The following FGGY variants were observed in gnomAD, a reference collection of about 807,000 sequenced individuals.
FGGY encodes FGGY carbohydrate kinase domain-containing protein.
A neutral mutation model predicts 71.3 loss-of-function variants in FGGY; 72 were observed. The observed-to-expected ratio is 1.01, with a 90% CI of 0.84 to 1.23. The LOEUF is 1.23. Among genes scored for constraint, FGGY ranks in the 50% most tolerant of loss-of-function variants. FGGY has a pLI of 0.00. For missense variants in FGGY, 668 were observed against 682.3 expected (o/e 0.98, Z 0.23); for synonymous variants, 251 against 250.3 (o/e 1.00, Z -0.02).
intron 5 of FGGY, among the ~76,000 whole-genome samples, chr1:59,401,000 AG>A (rs1396959884): frequency 6.6e-6 from 1 of 152,282 alleles, no homozygotes; most frequent in East Asian, 1.9e-4. Context: ...AGTTCCATAA[AG>A]ATGAGAATTA....
intron 7 of FGGY, among the ~76,000 whole-genome samples, chr1:59,534,055 C>T (rs1283645160): frequency 3.3e-5 from 5 of 152,058 alleles, no homozygotes; most frequent in African/African-American, 1.2e-4. Flanking sequence ...GACATTCAAA[C>T]CAAAGGCAAA....
chr1:59,517,366 C>A (rs985726329), intron 7 of FGGY, among the ~76,000 whole-genome samples: 3 of 148,236 alleles, frequency 2.0e-5, no homozygotes, highest in Admixed American at 6.7e-5. Context: ...CCCGGGTTCA[C>A]GCCATTCTCC....
At chr1:59,301,218 TTGA>T (rs1193597842) in intron 1 of FGGY, among the ~76,000 whole-genome samples, 1 of 152,214 alleles carries the variant, frequency 6.6e-6, no homozygotes. Context: ...TTCCTATTTT[TTGA>T]TGATATTGTA....
intron 5 of FGGY, among the ~76,000 whole-genome samples, chr1:59,408,748 GGT>G (rs917363991): frequency 2.6e-5 from 4 of 152,224 alleles, no homozygotes; most frequent in African/African-American, 9.6e-5. Context: ...ACAAACGGCT[GGT>G]GTGTTTTGGG....
At chr1:59,567,572 A>C (rs1241218588) in intron 8 of FGGY, among the ~76,000 whole-genome samples, 1 of 152,110 alleles carries the variant, frequency 6.6e-6, no homozygotes, top group African/African-American at 2.4e-5. Context: ...TTTGCATGAT[A>C]AAATTACAGG....
In FGGY at chr1:59,435,745, CGTGTGTGTGTGT is replaced by C. The variant is rs10563712; in HGVS notation, c.555-21185_555-21174del. ...ATTTCCTTCCTCACGTGTGTGCCTG[CGTGTGTGTGTGT>C]GTGTGTGTGTGTGTGTGTGTGTGTG... On this transcript the variant is annotated intron_variant, in intron 5 of 15. Transcript: ENST00000303721. Among the ~76,000 whole-genome samples the C allele has an allele frequency of 5.0e-3, 707 of 142,348 alleles. 3 individuals carry two copies. Among genetic ancestry groups the C allele is most frequent in the Admixed American group, 7.3e-3 (105 of 14,312 alleles). 93.4% of individuals were successfully genotyped at this position (142,348 alleles called of 152,430 possible). A position where few individuals can be genotyped will look rare whatever the true frequency, so the allele number is the denominator to read the frequency against.
rs576046101 is a variant in FGGY at position 59,460,767 on chromosome 1, G to C, written c.670+3691G>C. ...TATTTGTTGTTCTGCAGCCTCCGCT[G>C]GTAATACCCAGGCAAACTGTCTGGA... On this transcript the variant is annotated intron_variant, in intron 6 of 15. Coordinates refer to ENST00000303721, the MANE Select transcript of FGGY (RefSeq NM_018291.5). Among the ~76,000 whole-genome samples the C allele has an allele frequency of 5.9e-5, 9 of 152,286 alleles. No individual in the cohort carries two copies. The South Asian group carries it at 1.9e-3, about 32-fold the overall frequency.
chr1:59,641,624 T>G (rs980426966), intron 11 of FGGY, among the ~76,000 whole-genome samples: 1 of 152,228 alleles, frequency 6.6e-6, no homozygotes, highest in African/African-American at 2.4e-5. Context: ...TATGTGGCAT[T>G]GGGCTAGCAA....
chr1:59,709,466 T>TCACA (rs111353878), intron 14 of FGGY, among the ~76,000 whole-genome samples: 12,223 of 142,648 alleles, frequency 0.086, 731 homozygotes, highest in African/African-American at 0.18. Flanking sequence ...TGAAACTATA[T>TCACA]CACACACACA....
rs562269227 is a variant in FGGY, at chr1:59,381,538, G to A, written c.554+2701G>A. Among the ~76,000 whole-genome samples the A allele has an allele frequency of 2.6e-5, 4 of 152,010 alleles. No homozygotes were observed. In the South Asian group the frequency reaches 8.3e-4, roughly 32 times the overall value. On this transcript the variant is annotated intron_variant, in intron 5 of 15. Coordinates refer to ENST00000303721, the MANE Select transcript of FGGY (RefSeq NM_018291.5). ...ATCATCAAGATGTCACTAGGTGATAGGAATTTTTCAGCTCCATTAATATCT... is the reference window on the plus strand; with the variant it reads ...ATCATCAAGATGTCACTAGGTGATAAGAATTTTTCAGCTCCATTAATATCT...
At chr1:59,716,412 A>G (rs187656348) in intron 14 of FGGY, among the ~76,000 whole-genome samples, 3 of 152,228 alleles carry the variant, frequency 2.0e-5, no homozygotes, top group Non-Finnish European at 4.4e-5. Flanking sequence ...CAACAACTCT[A>G]TGAGGTTGGT....
At chr1:59,707,655 G>T (rs897769620) in intron 14 of FGGY, among the ~76,000 whole-genome samples, 6 of 152,182 alleles carry the variant, frequency 3.9e-5, no homozygotes, top group African/African-American at 1.4e-4. Context: ...GTTTGGAGAT[G>T]AATGTTGAAA....
intron 8 of FGGY, among the ~76,000 whole-genome samples, chr1:59,592,798 CG>C (rs1033025007): frequency 2.5e-5 from 3 of 120,048 alleles, no homozygotes; most frequent in African/African-American, 9.5e-5. Context: ...GGTGGGGGGA[CG>C]GGGGAGGGAT....
intron 14 of FGGY, among the ~76,000 whole-genome samples, chr1:59,711,710 G>A (rs1573552396): frequency 1.3e-5 from 2 of 152,304 alleles, no homozygotes; most frequent in African/African-American, 4.8e-5. Context: ...CTTGTGCAGA[G>A]AAACTCCCAT....
At chr1:59,319,003 C>T (rs751102675) in intron 1 of FGGY, among the ~76,000 whole-genome samples, 12 of 152,318 alleles carry the variant, frequency 7.9e-5, no homozygotes, top group Non-Finnish European at 1.0e-4. Flanking sequence ...GGAAACTCAG[C>T]GAAGGCATTG....
chr1:59,656,667 T>TA (rs1268517057), intron 11 of FGGY, among the ~76,000 whole-genome samples: 4 of 152,214 alleles, frequency 2.6e-5, no homozygotes, highest in Non-Finnish European at 5.9e-5. Flanking sequence ...GAGGGAATAC[T>TA]GGAAACGGTT....
intron 5 of FGGY, among the ~76,000 whole-genome samples, chr1:59,409,821 A>T (rs187889079): frequency 6.6e-6 from 1 of 152,164 alleles, no homozygotes. Flanking sequence ...ACTAAGTTTT[A>T]TGGAGTATCC....
At chr1:59,456,205 A>C (rs1180257817) in intron 5 of FGGY, among the ~76,000 whole-genome samples, 2 of 152,180 alleles carry the variant, frequency 1.3e-5, no homozygotes, top group Non-Finnish European at 2.9e-5. Flanking sequence ...CATGTTGCTT[A>C]AAGCGCATTC....
chr1:59,370,026 C>T (rs149408468), intron 4 of FGGY, among the ~76,000 whole-genome samples: 3,668 of 152,276 alleles, frequency 0.024, 163 homozygotes, highest in African/African-American at 0.085. Context: ...TCCAAAGGAT[C>T]GCAGTTCCTC....
Sources: allele counts gnomAD v4.1 joint callset (sites outside exome capture counted in the v4.1 genomes callset), GRCh38; gene constraint gnomAD v4.1.1; transcripts MANE v1.5; gene names NCBI Gene and HGNC (gene_info 2026-07-23, HGNC 2026-07-21).